The following TSR3 variants were observed in gnomAD, a reference collection of about 807,000 sequenced individuals.
TSR3 encodes 18S rRNA aminocarboxypropyltransferase.
A neutral mutation model predicts 28.1 loss-of-function variants in TSR3; 31 were observed. The observed-to-expected ratio is 1.10, with a 90% CI of 0.83 to 1.49. The LOEUF (loss-of-function observed/expected upper bound fraction) is 1.49. Ranked by LOEUF, TSR3 falls within the 40% of genes most tolerant of loss-of-function variation. TSR3 has a pLI of 0.00. For missense variants in TSR3, 511 were observed against 444.0 expected (o/e 1.15, Z -1.36); for synonymous variants, 219 against 197.2 (o/e 1.11, Z -0.93).
Position 1,349,514 on chromosome 16 carries a change from GCTC to G in TSR3, c.859_861del (p.Glu287del). On this transcript the variant is annotated inframe_deletion, in exon 6 of 6. Coordinates refer to ENST00000007390, the MANE Select transcript of TSR3 (RefSeq NM_001001410.3). The stretch of plus-strand genomic sequence containing the variant: ...GCCTCAGCCCCCCGTCCCTGCGTCT[GCTC>G]CTCTTCACAGCAGCTGCTGCTGGCT... 1 of 1,613,530 alleles carries G rather than the reference GCTC, an allele frequency of 6.2e-7. No individual in the cohort carries two copies.
rs1203322478 is a variant in TSR3, at chr16:1,350,067, C to T, written c.694G>A (p.Glu232Lys). The change falls in exon 4 of 6, where the codon GAG (glutamate) becomes AAG (lysine). Residue 232 changes from glutamate (E) to lysine (K), a missense_variant. Coordinates refer to ENST00000007390, the MANE Select transcript of TSR3 (RefSeq NM_001001410.3). ...LANAKESPQE[E>K]EIDPFDVDSG... is the part of the protein sequence containing the mutation. ...CCCCGCCAAGGCTCACCGATCTCCT[C>T]CTCCTGGGGGCTCTCCTTGGCATTG... 1.2e-6 allele frequency: 2 copies of T among 1,607,994 alleles called. No homozygotes were observed. The highest frequency in any genetic ancestry group is 1.1e-5 in the South Asian group (1 of 90,852).
In TSR3 at chr16:1,349,422, A is replaced by G; in HGVS notation, c.*15T>C. On this transcript the variant is annotated 3_prime_UTR_variant, in exon 6 of 6. Transcript: ENST00000007390. ...TCTCGTCACCCAGCCTCAAAAATAT[A>G]TGTGTCTGCAACCCTCAGTCTCTCT... 2 of 1,613,522 alleles carry G rather than the reference A, an allele frequency of 1.2e-6. No individual in the cohort carries two copies. The highest frequency in any genetic ancestry group is 1.7e-6 in the Non-Finnish European group (2 of 1,179,860).
chr16:1,349,417 A>T lies in TSR3; in HGVS notation c.*20T>A, dbSNP rs1209986795. ...GATTTTCTCGTCACCCAGCCTCAAA[A>T]ATATATGTGTCTGCAACCCTCAGTC... On this transcript the variant is annotated 3_prime_UTR_variant, in exon 6 of 6. Coordinates refer to ENST00000007390, the MANE Select transcript of TSR3 (RefSeq NM_001001410.3). 1.9e-6 allele frequency: 3 copies of T among 1,613,484 alleles called. No homozygotes were observed. Among genetic ancestry groups the T allele is most frequent in the Admixed American group, 1.7e-5 (1 of 59,974 alleles).
At chr16:1,349,786 GTGT>G (rs2034617395) in intron 5 of TSR3, 100 bp downstream of exon 5, 1 of 1,465,244 alleles carries the variant, frequency 6.8e-7, no homozygotes, top group African/African-American at 1.4e-5. Context: ...GACCATCGGG[GTGT>G]TGTTTACAAC....
At position 1,349,967 on chromosome 16, in the gene TSR3, G is replaced by A. The variant is rs200343582; in HGVS notation, c.704-15C>T. On this transcript the variant is annotated splice_polypyrimidine_tract_variant and intron_variant, in intron 4 of 5. Coordinates refer to ENST00000007390, the MANE Select transcript of TSR3 (RefSeq NM_001001410.3). ...ATCGAAGGGATCTGAGCCGAGAGAG[G>A]AAAGTGGCCTCTAAGTGAGCTCAGA... 1.0e-4 allele frequency: 169 copies of A among 1,613,018 alleles called. No individual in the cohort carries two copies. Among genetic ancestry groups the A allele is most frequent in the Non-Finnish European group, 2.7e-5 (32 of 1,179,862 alleles).
At chr16:1,350,312 G>A in intron 3 of TSR3, 78 bp from the exon 4 acceptor site, 1 of 1,454,258 alleles carries the variant, frequency 6.9e-7, no homozygotes, top group Non-Finnish European at 9.2e-7. Context: ...GCTGCCGGAT[G>A]GCGGCGCTCT....
At chr16:1,349,747 G>C (rs1212219380) in intron 5 of TSR3, 139 bp from the exon 6 acceptor site, 1 of 1,362,724 alleles carries the variant, frequency 7.3e-7, no homozygotes, top group East Asian at 2.4e-5. Context: ...TCTCCAGTGG[G>C]ACATGCACTG....
chr16:1,351,653 C>G, intron 1 of TSR3, 40 bp downstream of exon 1: 2 of 1,421,988 alleles, frequency 1.4e-6, no homozygotes, highest in Non-Finnish European at 1.8e-6. Flanking sequence ...CGGGCAGGCC[C>G]TCAAACCCTG....
chr16:1,350,775 G>A lies in TSR3; in HGVS notation c.526+32C>T, dbSNP rs757901677. The stretch of plus-strand genomic sequence containing the variant: ...AGCATAGCAGGAACAGCAGGCCGCC[G>A]GGTCACACTGCTGTGGGGCCCCTGG... On this transcript the variant is annotated intron_variant, in intron 3 of 5. Transcript: ENST00000007390. The A allele has an allele frequency of 1.5e-5, 24 of 1,596,674 alleles. No homozygotes were observed. The Middle Eastern group carries it at 5.0e-4, about 33-fold the overall frequency.
At position 1,351,834 on chromosome 16, in the gene TSR3, C is replaced by G; in HGVS notation, c.-30G>C. 1 of 1,283,886 alleles carries G rather than the reference C, an allele frequency of 7.8e-7. No homozygotes were observed. The highest frequency in any genetic ancestry group is 1.6e-5 in the African/African-American group (1 of 64,222). 79.5% of individuals were successfully genotyped at this position (1,283,886 alleles called of 1,614,324 possible). A position where few individuals can be genotyped will look rare whatever the true frequency, so the allele number is the denominator to read the frequency against. ...CGGACCTGGGGTGCCGGGGACTCCC[C>G]ACCCCACGGCCGCGCCCCTCGGCCT... On this transcript the variant is annotated 5_prime_UTR_variant, in exon 1 of 6. Coordinates refer to ENST00000007390, the MANE Select transcript of TSR3 (RefSeq NM_001001410.3).
Position 1,351,391 on chromosome 16 carries a change from G to A in TSR3, c.320C>T (p.Ser107Phe). The change falls in exon 2 of 6, where the codon TCC (serine) becomes TTC (phenylalanine). Residue 107 changes from serine to phenylalanine, a missense_variant. Ser to Phe is a radical substitution (Grantham distance 155). Coordinates refer to ENST00000007390, the MANE Select transcript of TSR3 (RefSeq NM_001001410.3). ...CTCCCGCGCCTACCTGTCTGCGGGGGACGCGTACTGCTTGCCCACGGGGCT... is the reference window on the plus strand; with the variant it reads ...CTCCCGCGCCTACCTGTCTGCGGGGAACGCGTACTGCTTGCCCACGGGGCT... ...VLSPVGKQYA[S>F]PADRQLVAQS... 7 of 1,589,642 alleles carry A rather than the reference G, an allele frequency of 4.4e-6. No individual in the cohort carries two copies. The highest frequency in any genetic ancestry group is 4.3e-6 in the Non-Finnish European group (5 of 1,176,458).
In TSR3 at chr16:1,350,920, C is replaced by T. The variant is rs139799917; in HGVS notation, c.413G>A (p.Arg138Gln). Residue 138 changes from arginine to glutamine, a missense_variant, in exon 3 of 6, where the codon CGA becomes CAA. Coordinates refer to ENST00000007390, the MANE Select transcript of TSR3 (RefSeq NM_001001410.3). The part of the protein sequence containing the change: ...RLDETPFGKM[R>Q]GSHLRLLPYL... Reference sequence around the variant, plus strand: ...GGGCAACAGGCGCAAGTGGCTCCCTCGCATCTTCCCAAACGGTGTCTCGTC... The same window carrying T: ...GGGCAACAGGCGCAAGTGGCTCCCTTGCATCTTCCCAAACGGTGTCTCGTC... 89 of 1,612,954 alleles carry T rather than the reference C, an allele frequency of 5.5e-5. No individual in the cohort carries two copies. The highest frequency in any genetic ancestry group is 4.2e-4 in the Admixed American group (25 of 60,028).
At position 1,349,553 on chromosome 16, in the gene TSR3, C is replaced by G. The variant is rs756617053; in HGVS notation, c.823G>C (p.Glu275Gln). The change falls in exon 6 of 6, where the codon GAG becomes CAG. Residue 275 changes from glutamate to glutamine, a missense_variant. By Grantham distance (29) the Glu-to-Gln change is conservative. Coordinates refer to ENST00000007390, the MANE Select transcript of TSR3 (RefSeq NM_001001410.3). ...CAGCTGCTGCTGGCTCCTCCGCGCTCGGCGCCAGGCCCTGGGTCCTCAGAC... is the reference window on the plus strand; with the variant it reads ...CAGCTGCTGCTGGCTCCTCCGCGCTGGGCGCCAGGCCCTGGGTCCTCAGAC... ...DASEDPGPGA[E>Q]RGGASSSCCE... The G allele has an allele frequency of 6.2e-7, 1 of 1,612,920 alleles. No individual in the cohort carries two copies.
intron 3 of TSR3, 27 bp from the exon 4 acceptor site, chr16:1,350,261 A>C: frequency 6.4e-7 from 1 of 1,565,418 alleles, no homozygotes; most frequent in East Asian, 2.3e-5. Context: ...CAGGAAACCC[A>C]AAGAAGTCGA....
In TSR3 at chr16:1,349,961, AGAGAG is replaced by A. The variant is rs558963521; in HGVS notation, c.704-14_704-10del. The A allele has an allele frequency of 2.6e-4, 412 of 1,613,326 alleles. 1 individual carries two copies. The highest frequency in any genetic ancestry group is 3.3e-4 in the Admixed American group (20 of 60,006). On this transcript the variant is annotated splice_polypyrimidine_tract_variant and intron_variant, in intron 4 of 5. Transcript: ENST00000007390. Reference sequence around the variant, plus strand: ...ATCCACATCGAAGGGATCTGAGCCGAGAGAGGAAAGTGGCCTCTAAGTGAGCTCAG... The same window carrying A: ...ATCCACATCGAAGGGATCTGAGCCGAGAAAGTGGCCTCTAAGTGAGCTCAG...
At chr16:1,350,780 A>G (rs750481976) in intron 3 of TSR3, 27 bp downstream of exon 3, 2 of 1,600,282 alleles carry the variant, frequency 1.2e-6, no homozygotes, top group South Asian at 2.2e-5. Context: ...CCGCCGGGTC[A>G]CACTGCTGTG....
At position 1,350,902 on chromosome 16, in the gene TSR3, A is replaced by G; in HGVS notation, c.431T>C (p.Leu144Pro). Residue 144 changes from leucine (L) to proline (P), a missense_variant, in exon 3 of 6, where the codon CTG becomes CCG. Physicochemically the swap from Leu to Pro is moderately conservative, Grantham distance 98. Coordinates refer to ENST00000007390, the MANE Select transcript of TSR3 (RefSeq NM_001001410.3). The part of the protein sequence containing the change: ...FGKMRGSHLR[L>P]LPYLVAANPV... ...GTTGGCGGCCACCAGGTAGGGCAAC[A>G]GGCGCAAGTGGCTCCCTCGCATCTT... 1 of 1,613,012 alleles carries G rather than the reference A, an allele frequency of 6.2e-7. No individual in the cohort carries two copies. Among genetic ancestry groups the G allele is most frequent in the Admixed American group, 1.7e-5 (1 of 60,018 alleles).
chr16:1,349,900 C>T lies in TSR3; in HGVS notation c.756G>A (p.Val252=), dbSNP rs2034621979. 6.2e-7 allele frequency: 1 copy of T among 1,613,746 alleles called. No homozygotes were observed. The highest frequency in any genetic ancestry group is 1.1e-5 in the South Asian group (1 of 91,080). ...GREFGNPNRP[V]ASTRLPSDTD... is the part of the protein sequence containing the mutation. Reference sequence around the variant, plus strand: ...GCCCAAGGACCTACCGGGTGCTGGCCACAGGCCTGTTGGGGTTTCCAAACT... The same window carrying T: ...GCCCAAGGACCTACCGGGTGCTGGCTACAGGCCTGTTGGGGTTTCCAAACT... Residue 252 remains valine, a synonymous_variant, in exon 5 of 6, where the codon GTG becomes GTA. Coordinates refer to ENST00000007390, the MANE Select transcript of TSR3 (RefSeq NM_001001410.3).
Position 1,351,772 on chromosome 16 carries a change from C to A in TSR3, c.33G>T (p.Gly11=). Reference sequence around the variant, plus strand: ...GGTGCCGAGGGCGGCCGCCTTCCGCCCCCGGCCCGCGCGCTGCCCTCCTGC... The same window carrying A: ...GGTGCCGAGGGCGGCCGCCTTCCGCACCCGGCCCGCGCGCTGCCCTCCTGC... MGRRRAARGP[G]AEGGRPRHLP... Residue 11 remains glycine, a synonymous_variant, in exon 1 of 6, where the codon GGG becomes GGT. Transcript: ENST00000007390. The A allele has an allele frequency of 7.4e-7, 1 of 1,346,542 alleles. No individual in the cohort carries two copies. Among genetic ancestry groups the A allele is most frequent in the South Asian group, 1.8e-5 (1 of 54,556 alleles). The allele number at this position is 1,346,542 out of a possible 1,614,324, so 83.4% of individuals were successfully genotyped here. A position where few individuals can be genotyped will look rare whatever the true frequency, so the allele number is the denominator to read the frequency against.
Sources: gnomAD v4.1 joint callset for allele counts on GRCh38, gnomAD v4.1.1 for gene constraint, MANE v1.5 for transcripts, NCBI Gene and HGNC (gene_info 2026-07-23, HGNC 2026-07-21) for gene names.